IPO11: variants seen among roughly 807,000 people sequenced by gnomAD.
IPO11 encodes the protein importin-11.
A neutral mutation model predicts 143.2 loss-of-function variants in IPO11; 66 were observed. The ratio of observed to expected loss-of-function variants is 0.46; its 90% CI spans 0.38 to 0.57. IPO11 has a LOEUF of 0.57. Ranked by LOEUF, IPO11 falls within the 20% of genes least tolerant of loss-of-function variation. The pLI is 0.00. For missense variants in IPO11, 1,026 were observed against 1,141.0 expected, an observed-to-expected ratio of 0.90 and a Z score of 1.45; for synonymous variants, 385 against 377.8, an observed-to-expected ratio of 1.02 and a Z score of -0.22.
chr5:62,444,258 G>A (rs1744627961), intron 3 of IPO11, among the ~76,000 whole-genome samples: 2 of 151,834 alleles, frequency 1.3e-5, no homozygotes, highest in African/African-American at 4.8e-5. Context: ...TTGCCCCGCT[G>A]ATTTTTTGTG....
At position 62,443,400 on chromosome 5, in the gene IPO11, T is replaced by C. The variant is rs785663; in HGVS notation, c.239+317T>C. 8 of 168,834 alleles carry C rather than the reference T, an allele frequency of 4.7e-5. No homozygotes were observed. The East Asian group carries it at 1.3e-3, about 27-fold the overall frequency. 10.5% of individuals were successfully genotyped at this position (168,834 alleles called of 1,614,324 possible). On this transcript the variant is annotated intron_variant, in intron 3 of 29. Coordinates refer to ENST00000325324, the MANE Select transcript of IPO11 (RefSeq NM_016338.5). ...CCATTTGAGTGTGTGTGTGTGTGTGTGTGTGTGTGTGTGTGTGTGTGCGTG... is the reference window on the plus strand; with the variant it reads ...CCATTTGAGTGTGTGTGTGTGTGTGCGTGTGTGTGTGTGTGTGTGTGCGTG...
chr5:62,506,191 C>T (rs573541559), intron 18 of IPO11, 50 bp from the exon 19 acceptor site: 2 of 993,262 alleles, frequency 2.0e-6, no homozygotes, highest in Non-Finnish European at 3.1e-6. Context: ...ATGTAGAGGT[C>T]TTTCATTTCT....
chr5:62,589,436 A>T (rs2112424145), intron 27 of IPO11, among the ~76,000 whole-genome samples: 1 of 152,276 alleles, frequency 6.6e-6, no homozygotes, highest in East Asian at 1.9e-4. Flanking sequence ...CAACCTAGTC[A>T]AGTCACCCAC....
chr5:62,575,383 T>G (rs1744280481), intron 27 of IPO11, among the ~76,000 whole-genome samples: 1 of 152,228 alleles, frequency 6.6e-6, no homozygotes, highest in Non-Finnish European at 1.5e-5. Context: ...CATGGTCTCT[T>G]ACTCCTCAGT....
intron 24 of IPO11, among the ~76,000 whole-genome samples, chr5:62,537,627 T>C (rs1164320978): frequency 6.6e-6 from 1 of 152,218 alleles, no homozygotes; most frequent in Non-Finnish European, 1.5e-5. Flanking sequence ...AGTGATGTGA[T>C]ATCTGATACT....
At chr5:62,422,307 A>G (rs938801265) in intron 1 of IPO11, among the ~76,000 whole-genome samples, 1 of 152,010 alleles carries the variant, frequency 6.6e-6, no homozygotes, top group Non-Finnish European at 1.5e-5. Flanking sequence ...TTGTGTTTTT[A>G]GTAGAAATGG....
At chr5:62,447,044 T>G (rs1041546501) in intron 3 of IPO11, among the ~76,000 whole-genome samples, 14 of 152,198 alleles carry the variant, frequency 9.2e-5, no homozygotes, top group African/African-American at 3.4e-4. Flanking sequence ...AAGCCCTTAA[T>G]TTTAATGAAG....
chr5:62,503,067 C>A (rs1478440226), intron 16 of IPO11, among the ~76,000 whole-genome samples: 3 of 151,990 alleles, frequency 2.0e-5, no homozygotes, highest in Admixed American at 2.0e-4. Context: ...TCAAGTGATC[C>A]GCCTGCCTCC....
chr5:62,579,639 G>A, intron 27 of IPO11: 1 of 1,549,600 alleles, frequency 6.5e-7, no homozygotes, highest in African/African-American at 1.4e-5. Flanking sequence ...TTCTGTATCT[G>A]ACTGGGAATA....
At chr5:62,481,916 T>G (rs1198425011) in intron 9 of IPO11, among the ~76,000 whole-genome samples, 1 of 152,202 alleles carries the variant, frequency 6.6e-6, no homozygotes, top group Non-Finnish European at 1.5e-5. Flanking sequence ...ATCTGTTTGG[T>G]CTGGGACTTT....
At chr5:62,520,472 C>A (rs1742167624) in intron 20 of IPO11, among the ~76,000 whole-genome samples, 1 of 152,074 alleles carries the variant, frequency 6.6e-6, no homozygotes, top group Non-Finnish European at 1.5e-5. Context: ...GTGCTGCACC[C>A]ATTAACTCGT....
chr5:62,550,303 A>T, intron 24 of IPO11, 64 bp from the exon 25 acceptor site: 1 of 1,209,646 alleles, frequency 8.3e-7, no homozygotes, highest in Non-Finnish European at 1.2e-6. Flanking sequence ...TTGTTTCCTT[A>T]CATGTGTTTT....
chr5:62,587,213 G>C (rs1744828313), intron 27 of IPO11, among the ~76,000 whole-genome samples: 1 of 152,048 alleles, frequency 6.6e-6, no homozygotes, highest in Admixed American at 6.6e-5. Flanking sequence ...AAAATGAAAA[G>C]ACAGGTAAGC....
At chr5:62,433,161 T>C (rs1744055746) in intron 1 of IPO11, among the ~76,000 whole-genome samples, 2 of 152,050 alleles carry the variant, frequency 1.3e-5, no homozygotes, top group African/African-American at 4.8e-5. Flanking sequence ...TTGTTTTTTT[T>C]TTAAAGTCAA....
intron 16 of IPO11, among the ~76,000 whole-genome samples, chr5:62,500,511 A>G (rs1217322446): frequency 3.3e-5 from 5 of 152,128 alleles, no homozygotes; most frequent in African/African-American, 1.2e-4. Flanking sequence ...CTTTTGTTTT[A>G]TAAAGAGACA....
intron 27 of IPO11, among the ~76,000 whole-genome samples, chr5:62,567,515 C>T (rs57890556): frequency 0.013 from 1,863 of 142,774 alleles, 51 homozygotes; most frequent in African/African-American, 0.046. Flanking sequence ...CTATTTCTAC[C>T]CTTTTTTCTC....
intron 19 of IPO11, among the ~76,000 whole-genome samples, chr5:62,508,946 C>T (rs948457809): frequency 6.6e-6 from 1 of 152,134 alleles, no homozygotes; most frequent in African/African-American, 2.4e-5. Context: ...CCGTGGAATA[C>T]TATGCAGCCA....
rs1484091421 is a variant in IPO11 at position 62,525,052 on chromosome 5, CTCT to C, written c.1897-1081_1897-1079del. On this transcript the variant is annotated intron_variant, in intron 20 of 29. Coordinates refer to ENST00000325324, the MANE Select transcript of IPO11 (RefSeq NM_016338.5). Reference sequence around the variant, plus strand: ...AAACTAGAATTTTAGATCGAAACTTCTCTTCTTCTTCCATCTTTGTGTTCTTGA... The same window carrying C: ...AAACTAGAATTTTAGATCGAAACTTCTCTTCTTCCATCTTTGTGTTCTTGA... 5.3e-5 allele frequency among the ~76,000 whole-genome samples: 8 copies of C among 152,296 alleles called. No homozygotes were observed. The South Asian group carries it at 1.0e-3, about 20-fold the overall frequency.
chr5:62,435,178 A>ATGTATATATATGTATATATATG (rs1744163696), intron 1 of IPO11, among the ~76,000 whole-genome samples: 2 of 75,974 alleles, frequency 2.6e-5, no homozygotes, highest in African/African-American at 1.0e-4. Flanking sequence ...ATATGTATAT[A>ATGTATATATATGTATATATATG]TGTATATATA....
Sources: allele counts gnomAD v4.1 joint callset (sites outside exome capture counted in the v4.1 genomes callset), GRCh38; gene constraint gnomAD v4.1.1; transcripts MANE v1.5; gene names NCBI Gene and HGNC (gene_info 2026-07-23, HGNC 2026-07-21).